PDE6B: variants seen among roughly 807,000 people sequenced by gnomAD.
PDE6B encodes rod cGMP-specific 3',5'-cyclic phosphodiesterase subunit beta.
In PDE6B, 106 loss-of-function variants were observed where a neutral mutation model predicts 109.0. The observed-to-expected ratio is 0.97, with a 90% CI of 0.83 to 1.14. The LOEUF is 1.14. PDE6B is among the 50% of genes most tolerant of loss of function. The pLI is 0.00. For missense variants in PDE6B, 1,193 were observed against 1,155.6 expected (o/e 1.03, Z -0.47); for synonymous variants, 490 against 471.3 (o/e 1.04, Z -0.51).
At chr4:653,663 C>T (rs936863566) in intron 3 of PDE6B, 189 bp from the exon 4 acceptor site, 2 of 689,902 alleles carry the variant, frequency 2.9e-6, no homozygotes, top group Non-Finnish European at 5.0e-6. Context: ...AGCTCCCGGG[C>T]CCCACAAGCT....
At chr4:661,082 G>C (rs1384787315) in intron 12 of PDE6B, 1 of 166,816 alleles carries the variant, frequency 6.0e-6, no homozygotes, top group Non-Finnish European at 1.3e-5. Context: ...TAAGTGAATG[G>C]ATAGGTGGAT....
intron 10 of PDE6B, among the ~76,000 whole-genome samples, chr4:658,110 G>A (rs551679612): frequency 5.1e-4 from 72 of 140,100 alleles, no homozygotes; most frequent in Non-Finnish European, 8.5e-4. Flanking sequence ...GCTCTGCGGC[G>A]GGGGCAGGTC....
rs1247736992 is a variant in PDE6B, at chr4:670,692, CACAGGTAG to C, written c.*590_*597del. 1.9e-5 allele frequency: 3 copies of C among 156,028 alleles called. No individual in the cohort carries two copies. Among genetic ancestry groups the C allele is most frequent in the African/African-American group, 7.2e-5 (3 of 41,446 alleles). The allele number at this position is 156,028 out of a possible 1,614,324, so 9.7% of individuals were successfully genotyped here. On this transcript the variant is annotated 3_prime_UTR_variant, in exon 22 of 22. Coordinates refer to ENST00000496514, the MANE Select transcript of PDE6B (RefSeq NM_000283.4). Reference sequence around the variant, plus strand: ...GCAGCCACACATGTACATATGTGTACACAGGTAGACAGATGGACACAGGCCGTTTCTCA... The same window carrying C: ...GCAGCCACACATGTACATATGTGTACACAGATGGACACAGGCCGTTTCTCA...
Position 626,282 on chromosome 4 carries a change from C to G in PDE6B, c.468+188C>G, listed in dbSNP as rs542285171. ...ACTGTGCCCTGGCCGCCTGCCTCTCCGACTCGGCTTCTGGCTCAAGCTGAC... is the reference window on the plus strand; with the variant it reads ...ACTGTGCCCTGGCCGCCTGCCTCTCGGACTCGGCTTCTGGCTCAAGCTGAC... On this transcript the variant is annotated intron_variant, in intron 1 of 21. Transcript: ENST00000496514. This position sits in a 1 kb window ranked among gnomAD's most constrained non-coding sequence, Gnocchi z 4.6. 6.6e-6 allele frequency among the ~76,000 whole-genome samples: 1 copy of G among 152,214 alleles called. No homozygotes were observed. Among genetic ancestry groups the G allele is most frequent in the South Asian group, 2.1e-4 (1 of 4,838 alleles).
chr4:652,676 G>A (rs1735687695), intron 3 of PDE6B: 1 of 182,528 alleles, frequency 5.5e-6, no homozygotes, highest in Non-Finnish European at 1.0e-5. Flanking sequence ...TGCACTGGGT[G>A]CTAAGTCATC....
chr4:654,913 C>T (rs34524643), intron 6 of PDE6B, 25 bp downstream of exon 6: 9 of 1,353,814 alleles, frequency 6.6e-6, no homozygotes, highest in Middle Eastern at 1.8e-4. Context: ...TTACCAGAAG[C>T]GTCCCCGGGG....
intron 3 of PDE6B, among the ~76,000 whole-genome samples, chr4:650,518 G>A (rs1010079427): frequency 2.6e-5 from 4 of 152,222 alleles, no homozygotes; most frequent in Non-Finnish European, 5.9e-5. Context: ...GGACACCTGC[G>A]TGGGCAGAGA....
Position 663,973 on chromosome 4 carries a change from C to A in PDE6B, c.2021+103C>A. The stretch of plus-strand genomic sequence containing the variant: ...GGCGGCACAGCCCGGGGGACGCAGC[C>A]CCGGATTCCGTCCCTGCCCGCCGGC... On this transcript the variant is annotated intron_variant, in intron 16 of 21. Transcript: ENST00000496514. The surrounding 1 kb of genome is among the most constrained non-coding windows in gnomAD (Gnocchi z 4.0). 1 of 1,106,256 alleles carries A rather than the reference C, an allele frequency of 9.0e-7. No homozygotes were observed. The highest frequency in any genetic ancestry group is 1.3e-6 in the Non-Finnish European group (1 of 744,308). 68.5% of individuals were successfully genotyped at this position (1,106,256 alleles called of 1,614,324 possible).
chr4:656,542 G>A (rs1332870657), intron 8 of PDE6B, among the ~76,000 whole-genome samples: 18 of 151,294 alleles, frequency 1.2e-4, no homozygotes, highest in Non-Finnish European at 4.4e-5. Context: ...GGCCGTGACC[G>A]CGGCCCCCAC....
chr4:667,999 C>T lies in PDE6B; in HGVS notation c.2496C>T (p.Ala832=). The T allele has an allele frequency of 1.2e-6, 2 of 1,611,752 alleles. No individual in the cohort carries two copies. Among genetic ancestry groups the T allele is most frequent in the South Asian group, 1.1e-5 (1 of 91,050 alleles). ...AGGAGGAGGAGGAGAGGGTGGCAGC[C>T]AAGAAAGGTCTGGCTCTGTGTGGCC... ...EEKEEEERVA[A]KKVGTEICNG... is the part of the protein sequence containing the mutation. Residue 832 remains alanine (A), a synonymous_variant, in exon 21 of 22, where the codon GCC becomes GCT. Coordinates refer to ENST00000496514, the MANE Select transcript of PDE6B (RefSeq NM_000283.4).
intron 12 of PDE6B, among the ~76,000 whole-genome samples, chr4:660,977 T>A (rs1334053109): frequency 4.1e-4 from 56 of 135,410 alleles, no homozygotes; most frequent in African/African-American, 1.6e-3. Context: ...AGTTGGATAG[T>A]TGGATAAATG....
intron 1 of PDE6B, among the ~76,000 whole-genome samples, chr4:632,683 G>C (rs1734450602): frequency 6.6e-6 from 1 of 150,988 alleles, no homozygotes; most frequent in African/African-American, 2.4e-5. Flanking sequence ...GTGGGGATCT[G>C]TGTGGTGCTG....
intron 12 of PDE6B, chr4:661,862 A>T: frequency 2.0e-6 from 1 of 505,252 alleles, no homozygotes; most frequent in Non-Finnish European, 3.6e-6. Context: ...AGGCAGTCGG[A>T]TGGAGGCTGG....
intron 10 of PDE6B, among the ~76,000 whole-genome samples, chr4:657,800 C>T (rs1736496263): frequency 7.5e-6 from 1 of 134,122 alleles, no homozygotes; most frequent in African/African-American, 2.9e-5. Context: ...CCAGGGCTCA[C>T]CCAGGGGTCA....
rs1735320938 is a variant in PDE6B, at chr4:648,515, G to A, written c.712-5337G>A. On this transcript the variant is annotated intron_variant, in intron 3 of 21. Transcript: ENST00000496514. The surrounding 1 kb of genome is among the most constrained non-coding windows in gnomAD (Gnocchi z 4.5). Reference sequence around the variant, plus strand: ...GTCACTGGGATTGAAGCAGCCTCTGGGCGCTCCCCCCTCCCTCTGTCCCGG... The same window carrying A: ...GTCACTGGGATTGAAGCAGCCTCTGAGCGCTCCCCCCTCCCTCTGTCCCGG... Among the ~76,000 whole-genome samples the A allele has an allele frequency of 6.6e-6, 1 of 152,150 alleles. No individual in the cohort carries two copies. The highest frequency in any genetic ancestry group is 1.5e-5 in the Non-Finnish European group (1 of 68,026).
At chr4:634,630 GC>G in intron 1 of PDE6B, 46 bp from the exon 2 acceptor site, 1 of 1,535,494 alleles carries the variant, frequency 6.5e-7, no homozygotes, top group Non-Finnish European at 9.0e-7. Context: ...CGGGCTCCAG[GC>G]CCACGGTGCG....
Position 662,748 on chromosome 4 carries a change from G to C in PDE6B, c.1832+130G>C, listed in dbSNP as rs1483673935. The C allele has an allele frequency of 2.8e-6, 2 of 717,132 alleles. No homozygotes were observed. Among genetic ancestry groups the C allele is most frequent in the African/African-American group, 3.5e-5 (2 of 57,276 alleles). 44.4% of individuals were successfully genotyped at this position (717,132 alleles called of 1,614,324 possible). A position where few individuals can be genotyped will look rare whatever the true frequency, so the allele number is the denominator to read the frequency against. The stretch of plus-strand genomic sequence containing the variant: ...GCCAGGCCCCGTACTCCAGCACTGT[G>C]GGAGGCCAAGGCGAGGGGATTGCTT... On this transcript the variant is annotated intron_variant, in intron 14 of 21. Coordinates refer to ENST00000496514, the MANE Select transcript of PDE6B (RefSeq NM_000283.4). The surrounding 1 kb of genome is among the most constrained non-coding windows in gnomAD (Gnocchi z 4.3).
intron 3 of PDE6B, among the ~76,000 whole-genome samples, chr4:647,556 A>G (rs1382998314): frequency 6.6e-6 from 1 of 151,930 alleles, no homozygotes; most frequent in Admixed American, 6.5e-5. Flanking sequence ...ACCAGGTTCC[A>G]TTTCTGGCGA....
At chr4:637,461 T>A in intron 3 of PDE6B, among the ~76,000 whole-genome samples, 1 of 152,176 alleles carries the variant, frequency 6.6e-6, no homozygotes, top group South Asian at 2.1e-4. Flanking sequence ...CCTCAAGTGA[T>A]CTGCCCACCT....
Sources: gnomAD v4.1 joint callset for allele counts (sites outside exome capture counted in the v4.1 genomes callset) on GRCh38, gnomAD v4.1.1 for gene constraint, Gnocchi (gnomAD v3.1) non-coding constraint, MANE v1.5 for transcripts, NCBI Gene and HGNC (gene_info 2026-07-23, HGNC 2026-07-21) for gene names.